LPP: variants seen among roughly 807,000 people sequenced by gnomAD.
The protein encoded by LPP is lipoma-preferred partner.
A neutral mutation model predicts 60.4 loss-of-function variants in LPP; 38 were observed. The observed-to-expected ratio is 0.63, with a 90% CI of 0.49 to 0.83. The LOEUF (loss-of-function observed/expected upper bound fraction) is 0.83, where lower values mean the gene tolerates loss of function less well. Among genes scored for constraint, LPP ranks in the 40% least tolerant of loss-of-function variants. LPP has a pLI of 0.00. For missense variants in LPP, 902 were observed against 783.6 expected (o/e 1.15, Z -1.80); for synonymous variants, 328 against 290.8 (o/e 1.13, Z -1.30).
Position 188,229,377 on chromosome 3 carries a change from G to C in LPP, c.-67+3850G>C, listed in dbSNP as rs116165830. ...TACCGGTTTACAATTGCCGACTGTCGCCAAGGGCTTTCAGTTTTAATATTT... is the reference window on the plus strand; with the variant it reads ...TACCGGTTTACAATTGCCGACTGTCCCCAAGGGCTTTCAGTTTTAATATTT... On this transcript the variant is annotated intron_variant, in intron 2 of 11. Transcript: ENST00000617246. 1.3e-5 allele frequency among the ~76,000 whole-genome samples: 2 copies of C among 152,090 alleles called. 1 individual carries two copies. The highest frequency in any genetic ancestry group is 2.9e-5 in the Non-Finnish European group (2 of 68,012).
In LPP at chr3:188,763,631, A is replaced by G. The variant is rs113929242; in HGVS notation, c.1410+3349A>G. On this transcript the variant is annotated intron_variant, in intron 9 of 11. Transcript: ENST00000617246. ...TGTTTTCTATTTTTTATTTATTAAC[A>G]TAATACAAATGTTCATATAGTTTTG... Among the ~76,000 whole-genome samples the G allele has an allele frequency of 2.8e-3, 423 of 152,206 alleles. 2 individuals are homozygous for G. Among genetic ancestry groups the G allele is most frequent in the Non-Finnish European group, 4.3e-3 (290 of 67,992 alleles).
chr3:188,538,644 T>C (rs1050636239), intron 6 of LPP, among the ~76,000 whole-genome samples: 31 of 152,224 alleles, frequency 2.0e-4, no homozygotes, highest in Admixed American at 1.9e-3. Context: ...AAATTGGTCA[T>C]AGTTACCACA....
chr3:188,299,974 C>T (rs1262794952), intron 2 of LPP, among the ~76,000 whole-genome samples: 1 of 152,190 alleles, frequency 6.6e-6, no homozygotes, highest in Non-Finnish European at 1.5e-5. Flanking sequence ...AGAAAAATAC[C>T]TTCCTATTTG....
At chr3:188,170,821 T>C (rs968690752) in intron 1 of LPP, among the ~76,000 whole-genome samples, 2 of 152,212 alleles carry the variant, frequency 1.3e-5, no homozygotes, top group African/African-American at 4.8e-5. Flanking sequence ...TACCCTTTTA[T>C]ATCTTCCTGG....
chr3:188,589,945 T>C (rs1301916078), intron 6 of LPP, among the ~76,000 whole-genome samples: 2 of 152,246 alleles, frequency 1.3e-5, no homozygotes, highest in Non-Finnish European at 2.9e-5. Flanking sequence ...CCTTTTGCTC[T>C]GTTTTTGTAG....
At chr3:188,290,314 G>A (rs1054601393) in intron 2 of LPP, among the ~76,000 whole-genome samples, 4 of 152,000 alleles carry the variant, frequency 2.6e-5, no homozygotes, top group African/African-American at 9.7e-5. Flanking sequence ...GACAGATGCC[G>A]AAGCCACATT....
intron 5 of LPP, among the ~76,000 whole-genome samples, chr3:188,488,622 T>TTTTA (rs72105648): frequency 6.7e-3 from 997 of 149,682 alleles, no homozygotes; most frequent in Middle Eastern, 0.014. Flanking sequence ...GGTCAGTTAG[T>TTTTA]TTTATTTATT....
chr3:188,666,317 T>G (rs1039557007), intron 7 of LPP, among the ~76,000 whole-genome samples: 2 of 152,232 alleles, frequency 1.3e-5, no homozygotes, highest in African/African-American at 4.8e-5. Flanking sequence ...CCAGTGACGC[T>G]CTATAGTATT....
chr3:188,481,993 G>T (rs1324616426), intron 4 of LPP, among the ~76,000 whole-genome samples: 2 of 152,190 alleles, frequency 1.3e-5, no homozygotes, highest in South Asian at 2.1e-4. Flanking sequence ...GGAGGGATCT[G>T]GTGGGAGGGG....
chr3:188,327,522 A>C (rs1302724231), intron 2 of LPP, among the ~76,000 whole-genome samples: 1 of 152,190 alleles, frequency 6.6e-6, no homozygotes, highest in Non-Finnish European at 1.5e-5. Flanking sequence ...CTTTTGAAGA[A>C]GCATATAAGT....
intron 2 of LPP, among the ~76,000 whole-genome samples, chr3:188,241,975 A>G (rs1725051793): frequency 6.6e-6 from 1 of 152,118 alleles, no homozygotes; most frequent in South Asian, 2.1e-4. Flanking sequence ...AGATTTCATG[A>G]TTCTGACGCT....
At chr3:188,830,128 T>G (rs1756744565) in intron 9 of LPP, among the ~76,000 whole-genome samples, 1 of 152,050 alleles carries the variant, frequency 6.6e-6, no homozygotes, top group Non-Finnish European at 1.5e-5. Flanking sequence ...ATGGCGTCCC[T>G]GTGTGAAAGA....
chr3:188,765,265 C>G (rs1443121922), intron 9 of LPP, among the ~76,000 whole-genome samples: 1 of 150,654 alleles, frequency 6.6e-6, no homozygotes, highest in Non-Finnish European at 1.5e-5. Context: ...GAGTGTTTGT[C>G]TGTGCCTCTT....
At chr3:188,809,135 A>C (rs567511682) in intron 9 of LPP, among the ~76,000 whole-genome samples, 39 of 152,342 alleles carry the variant, frequency 2.6e-4, no homozygotes, top group African/African-American at 8.4e-4. Context: ...ATAGTGCTGC[A>C]GTAAACATAC....
intron 9 of LPP, among the ~76,000 whole-genome samples, chr3:188,835,341 C>T (rs1040786499): frequency 1.1e-4 from 17 of 150,078 alleles, no homozygotes; most frequent in African/African-American, 3.7e-4. Context: ...TGGTGGCAGA[C>T]GCCTGTAATC....
intron 6 of LPP, among the ~76,000 whole-genome samples, chr3:188,551,985 T>C (rs1177123858): frequency 6.7e-6 from 1 of 148,996 alleles, no homozygotes; most frequent in Non-Finnish European, 1.5e-5. Context: ...GTGCAAAAAG[T>C]TTGAACATTA....
At chr3:188,303,597 G>A (rs1750618868) in intron 2 of LPP, among the ~76,000 whole-genome samples, 1 of 152,130 alleles carries the variant, frequency 6.6e-6, no homozygotes, top group African/African-American at 2.4e-5. Flanking sequence ...CTGAAGAATA[G>A]GTAAGTATAT....
chr3:188,578,214 T>C (rs530478169), intron 6 of LPP, among the ~76,000 whole-genome samples: 1 of 152,110 alleles, frequency 6.6e-6, no homozygotes, highest in Admixed American at 6.5e-5. Context: ...GTGGCCACTA[T>C]GGTCCTTCCT....
At chr3:188,600,838 T>G (rs1308767524) in intron 6 of LPP, among the ~76,000 whole-genome samples, 1 of 152,152 alleles carries the variant, frequency 6.6e-6, no homozygotes, top group East Asian at 1.9e-4. Flanking sequence ...GTAACTGGCT[T>G]GTTTCTTCAA....
Sources: allele counts gnomAD v4.1 joint callset (sites outside exome capture counted in the v4.1 genomes callset), GRCh38; gene constraint gnomAD v4.1.1; transcripts MANE v1.5; gene names NCBI Gene and HGNC (gene_info 2026-07-23, HGNC 2026-07-21).